Variants in CSMD3 observed in about 807,000 individuals in gnomAD.
The protein encoded by CSMD3 is CUB and Sushi multiple domains 3.
CSMD3 carries 177 observed loss-of-function variants against 435.2 expected under a neutral mutation model. The observed-to-expected ratio is 0.41, with a 90% CI of 0.36 to 0.46. CSMD3 has a LOEUF of 0.46. Ranked by LOEUF, CSMD3 falls within the 20% of genes least tolerant of loss-of-function variation. The probability of loss-of-function intolerance (pLI) is 0.34; values close to 1 mark genes in which losing one functional copy is unlikely to be tolerated. For missense variants in CSMD3, 4,265 were observed against 4,504.6 expected, an observed-to-expected ratio of 0.95 and a Z score of 1.52; for synonymous variants, 1,656 against 1,520.5, an observed-to-expected ratio of 1.09 and a Z score of -2.07.
intron 3 of CSMD3, among the ~76,000 whole-genome samples, chr8:113,264,951 T>G (rs947158580): frequency 4.0e-5 from 6 of 151,630 alleles, no homozygotes; most frequent in Non-Finnish European, 8.9e-5. Context: ...ATTTATTAAG[T>G]GCTTGGAACA....
chr8:112,405,223 AT>A (rs1831714204), intron 35 of CSMD3, among the ~76,000 whole-genome samples: 1 of 61,186 alleles, frequency 1.6e-5, no homozygotes, highest in Non-Finnish European at 3.3e-5. Flanking sequence ...CCATATATAT[AT>A]ATATATATAT....
At chr8:112,925,383 C>T (rs532990648) in intron 9 of CSMD3, among the ~76,000 whole-genome samples, 120 of 151,640 alleles carry the variant, frequency 7.9e-4, no homozygotes, top group African/African-American at 2.1e-3. Flanking sequence ...ACGGTGAGAC[C>T]CCGTCTCTAC....
At chr8:113,261,104 T>A (rs553430830) in intron 3 of CSMD3, among the ~76,000 whole-genome samples, 9 of 152,244 alleles carry the variant, frequency 5.9e-5, no homozygotes, top group African/African-American at 2.2e-4. Flanking sequence ...ATAAGTGAAG[T>A]ACATACAGAT....
intron 5 of CSMD3, among the ~76,000 whole-genome samples, chr8:113,074,693 T>C (rs182973658): frequency 6.6e-6 from 1 of 152,018 alleles, no homozygotes; most frequent in East Asian, 1.9e-4. Context: ...CTTTATTTTA[T>C]GACCATGAAG....
At position 112,337,698 on chromosome 8, in the gene CSMD3, G is replaced by A. The variant is rs146286636; in HGVS notation, c.6686C>T (p.Pro2229Leu). ...ACCAATTACAAAACCATTTCGAAAC[G>A]GGCGTGGATCAGGACAGCTTTGCAA... ...YQLQSCPDPR[P>L]FRNGFVIGND... Residue 2229 changes from proline to leucine, a missense_variant, in exon 43 of 71, where the codon CCG becomes CTG. Physicochemically the swap from Pro to Leu is moderately conservative, Grantham distance 98 (BLOSUM62 -3). Around this residue, in one of 3 missense-constraint regions of CSMD3, gnomAD observed 3,255 missense variants for 3,380.2 expected, o/e 0.96. Coordinates refer to ENST00000297405, the MANE Select transcript of CSMD3 (RefSeq NM_198123.2). The A allele has an allele frequency of 3.0e-5, 49 of 1,613,520 alleles. No homozygotes were observed. The highest frequency in any genetic ancestry group is 5.3e-5 in the African/African-American group (4 of 74,872).
rs71309788 is a variant in CSMD3, at chr8:112,747,962, C to CAAA, written c.1972+52197_1972+52199dup. 2.5e-3 allele frequency among the ~76,000 whole-genome samples: 237 copies of CAAA among 96,694 alleles called. 4 individuals are homozygous for CAAA. Among genetic ancestry groups the CAAA allele is most frequent in the African/African-American group, 7.7e-3 (199 of 25,968 alleles). The allele number at this position is 96,694 out of a possible 152,430, so 63.4% of individuals were successfully genotyped here. On this transcript the variant is annotated intron_variant, in intron 13 of 70. Coordinates refer to ENST00000297405, the MANE Select transcript of CSMD3 (RefSeq NM_198123.2). ...TGGGCGACAGAACAAGACTCCGTCT[C>CAAA]AAAAAAAAAAAAAAAAAAAAAAAAC...
chr8:112,456,724 C>T (rs1292608083), intron 32 of CSMD3, among the ~76,000 whole-genome samples: 1 of 151,980 alleles, frequency 6.6e-6, no homozygotes, highest in African/African-American at 2.4e-5. Flanking sequence ...AAATAACTTA[C>T]ATGAGATTAC....
chr8:112,253,989 C>T (rs16883312), intron 63 of CSMD3, among the ~76,000 whole-genome samples: 4,531 of 151,944 alleles, frequency 0.03, 233 homozygotes, highest in African/African-American at 0.1. Flanking sequence ...CTCTCTAATG[C>T]TTATGGATTT....
intron 6 of CSMD3, among the ~76,000 whole-genome samples, chr8:113,002,720 T>G (rs1231810213): frequency 6.6e-6 from 1 of 152,124 alleles, no homozygotes; most frequent in Non-Finnish European, 1.5e-5. Context: ...TTATACAACC[T>G]CTTTCTTGTG....
chr8:112,327,014 C>A (rs925855173), intron 45 of CSMD3, among the ~76,000 whole-genome samples: 11 of 151,814 alleles, frequency 7.2e-5, no homozygotes, highest in African/African-American at 1.9e-4. Context: ...AGAGTGAGAC[C>A]CTGTCTCAAA....
intron 1 of CSMD3, among the ~76,000 whole-genome samples, chr8:113,392,259 C>T (rs1039766911): frequency 1.2e-4 from 18 of 152,124 alleles, no homozygotes; most frequent in South Asian, 4.1e-4. Flanking sequence ...ATGTTTCTTA[C>T]ACCAAATCAA....
At chr8:112,530,015 A>G (rs1270406101) in intron 27 of CSMD3, among the ~76,000 whole-genome samples, 1 of 152,182 alleles carries the variant, frequency 6.6e-6, no homozygotes, top group African/African-American at 2.4e-5. Flanking sequence ...CACAATAACT[A>G]AAGTGAAAAA....
chr8:112,572,489 T>G (rs1208577475), intron 24 of CSMD3, among the ~76,000 whole-genome samples: 1 of 152,124 alleles, frequency 6.6e-6, no homozygotes, highest in Non-Finnish European at 1.5e-5. Flanking sequence ...ATAATTTGAT[T>G]CAAATTCCCT....
chr8:113,394,043 G>A (rs982658666), intron 1 of CSMD3, among the ~76,000 whole-genome samples: 18 of 151,940 alleles, frequency 1.2e-4, no homozygotes, highest in African/African-American at 3.6e-4. Context: ...GACTGAGAAC[G>A]TATAGAGTCT....
At chr8:112,851,997 A>C (rs1227131779) in intron 11 of CSMD3, among the ~76,000 whole-genome samples, 1 of 152,128 alleles carries the variant, frequency 6.6e-6, no homozygotes, top group African/African-American at 2.4e-5. Context: ...AGGGGTCAAC[A>C]GAGCAGTGAG....
At chr8:112,316,619 A>G (rs1822498119) in intron 47 of CSMD3, among the ~76,000 whole-genome samples, 3 of 151,796 alleles carry the variant, frequency 2.0e-5, no homozygotes, top group African/African-American at 7.2e-5. Flanking sequence ...GCACTGTTAA[A>G]CACCATTGGT....
In CSMD3 at chr8:113,294,030, A is replaced by T. The variant is rs1276790951; in HGVS notation, c.402-15326T>A. Among the ~76,000 whole-genome samples the T allele has an allele frequency of 2.0e-5, 3 of 152,118 alleles. No homozygotes were observed. The East Asian group carries it at 5.8e-4, about 29-fold the overall frequency. ...TTTATATCTAGGTAGTCTTAAATGAATTCTAAATACTGTTTTACATCAGAA... is the reference window on the plus strand; with the variant it reads ...TTTATATCTAGGTAGTCTTAAATGATTTCTAAATACTGTTTTACATCAGAA... On this transcript the variant is annotated intron_variant, in intron 2 of 70. Transcript: ENST00000297405.
At chr8:113,058,627 T>C (rs2088459199) in intron 5 of CSMD3, among the ~76,000 whole-genome samples, 1 of 152,004 alleles carries the variant, frequency 6.6e-6, no homozygotes, top group Non-Finnish European at 1.5e-5. Flanking sequence ...GCTAAGTTGA[T>C]GAAAAAGTAA....
At chr8:112,667,216 T>C (rs1386806314) in intron 16 of CSMD3, among the ~76,000 whole-genome samples, 1 of 152,122 alleles carries the variant, frequency 6.6e-6, no homozygotes, top group Non-Finnish European at 1.5e-5. Context: ...TTGAAAGGTC[T>C]TAAAATCACT....
Sources: allele counts gnomAD v4.1 joint callset (sites outside exome capture counted in the v4.1 genomes callset), GRCh38; gene constraint gnomAD v4.1.1; regional missense constraint gnomAD v4.1.1; transcripts MANE v1.5; gene names NCBI Gene and HGNC (gene_info 2026-07-23, HGNC 2026-07-21).